HYCC1: variants seen among roughly 807,000 people sequenced by gnomAD.
The protein encoded by HYCC1 is hyccin.
At chr7:22,994,581 T>C in the HYCC1 span, among the ~76,000 whole-genome samples, 1 of 152,140 alleles carries the variant, frequency 6.6e-6, no homozygotes, top group Non-Finnish European at 1.5e-5. Flanking sequence ...GGGTCTCTTA[T>C]CTTCCACTTG....
At chr7:22,940,338 G>T in the HYCC1 span, 3 of 131,880 alleles carry the variant, frequency 2.3e-5, no homozygotes, top group Non-Finnish European at 1.6e-5. Flanking sequence ...TGCAGCCTCC[G>T]CCTCCCAGAT....
the HYCC1 span, among the ~76,000 whole-genome samples, chr7:22,993,546 T>C: frequency 6.6e-6 from 1 of 152,108 alleles, no homozygotes; most frequent in Non-Finnish European, 1.5e-5. Flanking sequence ...TCATAAATTA[T>C]TAAGAAAAAA....
the HYCC1 span, among the ~76,000 whole-genome samples, chr7:22,999,686 T>C: frequency 6.6e-6 from 1 of 152,110 alleles, no homozygotes; most frequent in Non-Finnish European, 1.5e-5. Context: ...AAGTCAATAC[T>C]AGTATATGTT....
At chr7:22,911,869 C>T in the HYCC1 span, among the ~76,000 whole-genome samples, 3 of 152,168 alleles carry the variant, frequency 2.0e-5, no homozygotes, top group African/African-American at 7.2e-5. Flanking sequence ...ATCATGTAGC[C>T]TCAACTTAGC....
At chr7:22,911,147 T>C in the HYCC1 span, among the ~76,000 whole-genome samples, 7 of 152,198 alleles carry the variant, frequency 4.6e-5, no homozygotes, top group Non-Finnish European at 8.8e-5. Context: ...CTTACCATTG[T>C]ATGATAGCAT....
the HYCC1 span, among the ~76,000 whole-genome samples, chr7:22,912,288 G>T: frequency 6.6e-6 from 1 of 152,168 alleles, no homozygotes; most frequent in Admixed American, 6.5e-5. Context: ...ACCCAGCTCA[G>T]CTTGACAGAA....
At chr7:22,972,737 T>G in the HYCC1 span, among the ~76,000 whole-genome samples, 4 of 152,176 alleles carry the variant, frequency 2.6e-5, no homozygotes, top group Non-Finnish European at 5.9e-5. Context: ...TGCTGTCAGA[T>G]CTCTTCTTCA....
chr7:22,946,275 T>C, the HYCC1 span: 1 of 813,774 alleles, frequency 1.2e-6, no homozygotes, highest in Non-Finnish European at 1.9e-6. Flanking sequence ...TAGCATAATT[T>C]ATAAAGCAAC....
the HYCC1 span, among the ~76,000 whole-genome samples, chr7:22,913,453 G>A: frequency 1.4e-4 from 22 of 152,276 alleles, no homozygotes; most frequent in Non-Finnish European, 1.9e-4. Context: ...GTCATACCCG[G>A]CACAGTAGGA....
At chr7:22,960,142 G>T in the HYCC1 span, 1 of 1,145,090 alleles carries the variant, frequency 8.7e-7, no homozygotes, top group Non-Finnish European at 1.3e-6. Context: ...CAACTCCACA[G>T]CTCTTTCTTC....
At chr7:22,972,851 C>T in the HYCC1 span, among the ~76,000 whole-genome samples, 1 of 152,088 alleles carries the variant, frequency 6.6e-6, no homozygotes, top group South Asian at 2.1e-4. Flanking sequence ...CAGATTTTTG[C>T]TCAGTAGAAT....
chr7:22,974,260 C>A, the HYCC1 span, among the ~76,000 whole-genome samples: 2 of 152,184 alleles, frequency 1.3e-5, no homozygotes, highest in Non-Finnish European at 2.9e-5. Context: ...CTTCCACCCT[C>A]CCACCTTTTT....
chr7:22,910,590 G>A, the HYCC1 span, among the ~76,000 whole-genome samples: 2 of 152,166 alleles, frequency 1.3e-5, no homozygotes, highest in Non-Finnish European at 2.9e-5. Flanking sequence ...TGAAAAACGA[G>A]GGTAGGACCA....
chr7:22,978,261 A>G, the HYCC1 span: 1 of 1,613,636 alleles, frequency 6.2e-7, no homozygotes, highest in Non-Finnish European at 8.5e-7. Flanking sequence ...ACTCCATTAA[A>G]TACAAACCAA....
At chr7:22,978,276 T>A in the HYCC1 span, 2 of 1,613,950 alleles carry the variant, frequency 1.2e-6, no homozygotes, top group African/African-American at 2.7e-5. Context: ...AACCAAATTG[T>A]AAACCCCTAG....
the HYCC1 span, chr7:22,947,299 G>A: frequency 1.8e-5 from 26 of 1,455,586 alleles, no homozygotes; most frequent in South Asian, 1.9e-4. Context: ...AAACAAAAAC[G>A]TGAAATGAGA....
chr7:22,947,881 G>C, the HYCC1 span, among the ~76,000 whole-genome samples: 3 of 151,800 alleles, frequency 2.0e-5, no homozygotes, highest in Non-Finnish European at 4.4e-5. Context: ...TTAACAGTAA[G>C]TATTAATGTG....
At chr7:22,966,174 T>C in the HYCC1 span, among the ~76,000 whole-genome samples, 2 of 152,224 alleles carry the variant, frequency 1.3e-5, no homozygotes, top group African/African-American at 2.4e-5. Flanking sequence ...CTGCAAAAAG[T>C]ACATTAAAAA....
At chr7:22,906,713 A>G in the HYCC1 span, among the ~76,000 whole-genome samples, 1 of 152,182 alleles carries the variant, frequency 6.6e-6, no homozygotes, top group African/African-American at 2.4e-5. Context: ...ACAATTTTAA[A>G]TATATAAGGT....
Sources: gnomAD v4.1 joint callset for allele counts (sites outside exome capture counted in the v4.1 genomes callset) on GRCh38, gnomAD v4.1.1 for gene constraint, MANE v1.5 for transcripts, NCBI Gene and HGNC (gene_info 2026-07-23, HGNC 2026-07-21) for gene names.